SLCO2A1: variants seen among roughly 807,000 people sequenced by gnomAD.
SLCO2A1 encodes matrin F/G 1.
Under a neutral mutation model 71.7 loss-of-function variants are expected in SLCO2A1, and 60 were observed. The ratio of observed to expected loss-of-function variants is 0.84; its 90% confidence interval spans 0.68 to 1.04. The LOEUF is 1.04. Among genes scored for constraint, SLCO2A1 ranks in the 50% least tolerant of loss-of-function variants. SLCO2A1 has a pLI of 0.00. For missense variants in SLCO2A1, 745 were observed against 813.4 expected (o/e 0.92, Z 1.02); for synonymous variants, 308 against 326.7 (o/e 0.94, Z 0.62).
At chr3:134,021,697 GA>G (rs1935582655) in intron 1 of SLCO2A1, among the ~76,000 whole-genome samples, 1 of 151,642 alleles carries the variant, frequency 6.6e-6, no homozygotes. Flanking sequence ...GAGGCAAAAG[GA>G]AAGTCAAAGA....
At chr3:133,937,896 C>T (rs949869884) in intron 12 of SLCO2A1, among the ~76,000 whole-genome samples, 6 of 152,228 alleles carry the variant, frequency 3.9e-5, no homozygotes, top group African/African-American at 7.2e-5. Flanking sequence ...TCAAGCAGCT[C>T]GCTCTCCCCT....
intron 2 of SLCO2A1, among the ~76,000 whole-genome samples, chr3:133,978,027 A>T (rs1335886301): frequency 1.3e-5 from 2 of 152,136 alleles, no homozygotes; most frequent in Non-Finnish European, 2.9e-5. Context: ...TCAGAGGAGG[A>T]GGTCTCAGGC....
intron 3 of SLCO2A1, among the ~76,000 whole-genome samples, chr3:133,965,139 C>A (rs549885705): frequency 1.3e-5 from 2 of 152,266 alleles, no homozygotes; most frequent in African/African-American, 4.8e-5. Context: ...AAAAAAAAAC[C>A]GTTAGCGGAG....
chr3:133,949,229 T>C (rs772737641), intron 6 of SLCO2A1: 50 of 500,000 alleles, frequency 1.0e-4, no homozygotes, highest in Non-Finnish European at 1.5e-4. Flanking sequence ...GGCATATCAT[T>C]TCATATCTAA....
chr3:133,993,831 C>T (rs1934905054), intron 1 of SLCO2A1, among the ~76,000 whole-genome samples: 1 of 152,188 alleles, frequency 6.6e-6, no homozygotes, highest in Non-Finnish European at 1.5e-5. Flanking sequence ...ATTCTTCCTA[C>T]TCTTTGTTCT....
At chr3:133,990,046 T>C (rs760075537) in intron 1 of SLCO2A1, among the ~76,000 whole-genome samples, 10 of 152,242 alleles carry the variant, frequency 6.6e-5, no homozygotes, top group Non-Finnish European at 1.5e-4. Context: ...TAAAGGGCTG[T>C]TCTATCTTAA....
At chr3:133,947,008 G>C (rs1203917057) in intron 9 of SLCO2A1, among the ~76,000 whole-genome samples, 5 of 151,972 alleles carry the variant, frequency 3.3e-5, no homozygotes, top group South Asian at 4.2e-4. Flanking sequence ...CCAGCTACTC[G>C]AGAGGCTGAG....
intron 1 of SLCO2A1, among the ~76,000 whole-genome samples, chr3:133,983,042 C>T (rs565354915): frequency 1.1e-4 from 17 of 152,184 alleles, no homozygotes; most frequent in Admixed American, 2.6e-4. Flanking sequence ...CATCCACATA[C>T]ACCTCTTACA....
intron 3 of SLCO2A1, among the ~76,000 whole-genome samples, chr3:133,961,127 A>T (rs1467276042): frequency 6.6e-6 from 1 of 152,062 alleles, no homozygotes; most frequent in Non-Finnish European, 1.5e-5. Flanking sequence ...AGTGCAATGA[A>T]CACACTAGAG....
At chr3:133,977,260 C>T (rs1934482594) in intron 2 of SLCO2A1, among the ~76,000 whole-genome samples, 3 of 152,186 alleles carry the variant, frequency 2.0e-5, no homozygotes, top group Admixed American at 2.0e-4. Flanking sequence ...GAGCTGAATT[C>T]AGATTCTTGA....
At chr3:134,006,727 T>G (rs928072218) in intron 1 of SLCO2A1, among the ~76,000 whole-genome samples, 1 of 152,262 alleles carries the variant, frequency 6.6e-6, no homozygotes, top group African/African-American at 2.4e-5. Context: ...TATCTATTGA[T>G]GGACATCTGG....
intron 1 of SLCO2A1, among the ~76,000 whole-genome samples, chr3:133,998,268 A>G (rs992265867): frequency 5.9e-5 from 9 of 152,092 alleles, no homozygotes; most frequent in Non-Finnish European, 1.3e-4. Context: ...GGAAGCAGTC[A>G]CTTTATTTTT....
At chr3:133,958,125 C>A (rs980877857) in intron 3 of SLCO2A1, among the ~76,000 whole-genome samples, 3 of 152,320 alleles carry the variant, frequency 2.0e-5, no homozygotes, top group Admixed American at 6.5e-5. Context: ...TGGACCATTT[C>A]CAACACCCAG....
chr3:133,948,379 A>G (rs1260327815), intron 8 of SLCO2A1, among the ~76,000 whole-genome samples, 157 bp downstream of exon 8: 1 of 152,196 alleles, frequency 6.6e-6, no homozygotes, highest in Non-Finnish European at 1.5e-5. Flanking sequence ...ATTGCCAACC[A>G]GGAAAACTGT....
In SLCO2A1 at chr3:133,934,816, T is replaced by C; in HGVS notation, c.1829A>G (p.Gln610Arg). The C allele has an allele frequency of 6.2e-7, 1 of 1,611,134 alleles. No homozygotes were observed. Residue 610 changes from glutamine (Q) to arginine (R), a missense_variant, in exon 14 of 14, where the codon CAG (glutamine) becomes CGG (arginine). Physicochemically the swap from Gln to Arg is conservative, Grantham distance 43 (BLOSUM62 1). Transcript: ENST00000310926. The stretch of plus-strand genomic sequence containing the variant: ...CATGCCCAGCGCCTTGTAGCCCATC[T>C]GCAGGCCCAGGTACCTGTGGGCAGG... ...DALRDRYLGL[Q>R]MGYKALGMLL...
At chr3:133,981,378 C>A (rs973898774) in intron 1 of SLCO2A1, among the ~76,000 whole-genome samples, 2 of 152,164 alleles carry the variant, frequency 1.3e-5, no homozygotes, top group Admixed American at 6.5e-5. Context: ...TTTGTGTGTG[C>A]TTTTCCCCCT....
chr3:133,949,128 C>G lies in SLCO2A1; in HGVS notation c.862-157G>C, dbSNP rs1327116037. ...GGGAGGGCATCCAGAGAATGCTCTC[C>G]TGAAGCAAACAGCACCTGCATTTCC... On this transcript the variant is annotated intron_variant, in intron 6 of 13. Coordinates refer to ENST00000310926, the MANE Select transcript of SLCO2A1 (RefSeq NM_005630.3). 4.8e-6 allele frequency: 3 copies of G among 626,810 alleles called. No individual in the cohort carries two copies. The East Asian group carries it at 8.2e-5, about 17-fold the overall frequency. 38.8% of individuals were successfully genotyped at this position (626,810 alleles called of 1,614,324 possible).
chr3:133,957,045 G>C (rs973486774), intron 3 of SLCO2A1, among the ~76,000 whole-genome samples: 1 of 152,134 alleles, frequency 6.6e-6, no homozygotes, highest in East Asian at 1.9e-4. Context: ...GCTTAACAAC[G>C]TCTCTCCCAT....
chr3:134,023,586 C>A (rs1013010694), intron 1 of SLCO2A1, among the ~76,000 whole-genome samples: 1 of 152,260 alleles, frequency 6.6e-6, no homozygotes, highest in South Asian at 2.1e-4. Flanking sequence ...TTCTGTGGAC[C>A]ACTAAAGAGC....
Sources: gnomAD v4.1 joint callset for allele counts (sites outside exome capture counted in the v4.1 genomes callset) on GRCh38, gnomAD v4.1.1 for gene constraint, MANE v1.5 for transcripts, NCBI Gene and HGNC (gene_info 2026-07-23, HGNC 2026-07-21) for gene names.